The following PTPN1 variants were observed in gnomAD, a reference collection of about 807,000 sequenced individuals.
PTPN1 encodes the protein tyrosine-protein phosphatase non-receptor type 1.
A neutral mutation model predicts 59.9 loss-of-function variants in PTPN1; 12 were observed. The ratio of observed to expected loss-of-function variants is 0.20; its 90% CI spans 0.13 to 0.32. The LOEUF is 0.32. Among genes scored for constraint, PTPN1 ranks in the 10% least tolerant of loss-of-function variants. PTPN1 has a pLI of 1.00. For synonymous variants in PTPN1, 178 were observed against 203.6 expected (o/e 0.87, Z 1.07); for missense variants, 356 against 549.2 (o/e 0.65, Z 3.52).
At chr20:50,515,170 T>C (rs937478330) in intron 1 of PTPN1, among the ~76,000 whole-genome samples, 2 of 152,228 alleles carry the variant, frequency 1.3e-5, no homozygotes, top group Admixed American at 1.3e-4. Context: ...AACTCCTCTT[T>C]AGCATGGCAG....
intron 1 of PTPN1, among the ~76,000 whole-genome samples, chr20:50,550,820 C>T (rs1411850724): frequency 6.6e-6 from 1 of 152,222 alleles, no homozygotes; most frequent in Non-Finnish European, 1.5e-5. Context: ...CTTCACTTAG[C>T]AGATAGCTTT....
chr20:50,556,076 T>C (rs532326621), intron 1 of PTPN1, among the ~76,000 whole-genome samples: 2 of 152,198 alleles, frequency 1.3e-5, no homozygotes, highest in South Asian at 4.2e-4. Flanking sequence ...CCCTGAAAGC[T>C]TAATCTCATC....
chr20:50,527,877 C>T (rs776173723), intron 1 of PTPN1, among the ~76,000 whole-genome samples: 13 of 152,152 alleles, frequency 8.5e-5, no homozygotes, highest in Non-Finnish European at 1.9e-4. Flanking sequence ...TGTTCCTCAA[C>T]TTGAGGAGTT....
chr20:50,564,154 T>G (rs955470603), intron 2 of PTPN1, among the ~76,000 whole-genome samples: 12 of 152,122 alleles, frequency 7.9e-5, no homozygotes, highest in Admixed American at 6.5e-4. Flanking sequence ...TTCAAACCAC[T>G]GGATAGAGGT....
chr20:50,518,359 G>A (rs1318753256), intron 1 of PTPN1, among the ~76,000 whole-genome samples: 1 of 152,202 alleles, frequency 6.6e-6, no homozygotes, highest in Non-Finnish European at 1.5e-5. Flanking sequence ...TCACTCAAGA[G>A]AACAAATAAG....
intron 2 of PTPN1, among the ~76,000 whole-genome samples, chr20:50,564,332 C>A (rs1312361777): frequency 1.3e-5 from 2 of 152,210 alleles, no homozygotes; most frequent in Non-Finnish European, 2.9e-5. Context: ...GTGGCTCACA[C>A]TTGTAATCCC....
At position 50,561,382 on chromosome 20, in the gene PTPN1, G is replaced by T; in HGVS notation, c.83G>T (p.Ser28Ile). 1 of 1,612,422 alleles carries T rather than the reference G, an allele frequency of 6.2e-7. No individual in the cohort carries two copies. ...TTGTAGGATATCCGACATGAAGCCA[G>T]TGACTTCCCATGTAGAGTGGCCAAG... ...AIYQDIRHEA[S>I]DFPCRVAKLP... is the part of the protein sequence containing the mutation. The change falls in exon 2 of 10, where the codon AGT becomes ATT. Residue 28 changes from serine (S) to isoleucine (I), a missense_variant. Ser to Ile is a moderately radical substitution (Grantham distance 142). Coordinates refer to ENST00000371621, the MANE Select transcript of PTPN1 (RefSeq NM_002827.4).
intron 1 of PTPN1, among the ~76,000 whole-genome samples, chr20:50,554,439 G>GA (rs919995602): frequency 1.3e-4 from 19 of 146,814 alleles, no homozygotes; most frequent in African/African-American, 4.8e-4. Flanking sequence ...CTTATTTGGG[G>GA]AAAAAATAAA....
intron 1 of PTPN1, among the ~76,000 whole-genome samples, chr20:50,532,717 G>GGT (rs140157780): frequency 6.6e-4 from 101 of 151,888 alleles, no homozygotes; most frequent in South Asian, 3.7e-3. Context: ...TGGATGATGG[G>GGT]GTGTGTGTGT....
chr20:50,548,238 G>A (rs539093843), intron 1 of PTPN1, among the ~76,000 whole-genome samples: 2 of 151,964 alleles, frequency 1.3e-5, no homozygotes, highest in Admixed American at 1.3e-4. Flanking sequence ...TTAGTCTAGC[G>A]TTTATCCTAT....
chr20:50,523,350 G>A lies in PTPN1; in HGVS notation c.63+12760G>A, dbSNP rs748245229. Reference sequence around the variant, plus strand: ...ATATAGAACATTCGGAGAATGCTCCGAAGCTTCAGAGAACCCTTCCCAAAA... The same window carrying A: ...ATATAGAACATTCGGAGAATGCTCCAAAGCTTCAGAGAACCCTTCCCAAAA... On this transcript the variant is annotated intron_variant, in intron 1 of 9. Transcript: ENST00000371621. 1.1e-4 allele frequency among the ~76,000 whole-genome samples: 16 copies of A among 152,152 alleles called. 1 individual carries two copies. Among genetic ancestry groups the A allele is most frequent in the Admixed American group, 8.5e-4 (13 of 15,274 alleles).
At chr20:50,522,160 C>T (rs1436245557) in intron 1 of PTPN1, among the ~76,000 whole-genome samples, 1 of 152,172 alleles carries the variant, frequency 6.6e-6, no homozygotes, top group Non-Finnish European at 1.5e-5. Context: ...CCCGCCCTTC[C>T]TCTTTTCTCT....
At chr20:50,529,828 T>C (rs1350546703) in intron 1 of PTPN1, among the ~76,000 whole-genome samples, 1 of 152,150 alleles carries the variant, frequency 6.6e-6, no homozygotes, top group Non-Finnish European at 1.5e-5. Context: ...GAAAAAGGGA[T>C]TTTTAGTGTT....
intron 1 of PTPN1, among the ~76,000 whole-genome samples, chr20:50,520,815 C>T (rs1463908936): frequency 6.6e-6 from 1 of 152,218 alleles, no homozygotes; most frequent in African/African-American, 2.4e-5. Flanking sequence ...TGGGTTCTGA[C>T]TCTGCCTTTG....
rs1384042141 is a variant in PTPN1 at position 50,579,936 on chromosome 20, T to C, written c.1088+10T>C. On this transcript the variant is annotated intron_variant, in intron 8 of 9. Coordinates refer to ENST00000371621, the MANE Select transcript of PTPN1 (RefSeq NM_002827.4). ...CCTACGGCATCGAAAGGTAATATGATTGGGTCCCAGCTTGTTGGGGTGAGG... is the reference window on the plus strand; with the variant it reads ...CCTACGGCATCGAAAGGTAATATGACTGGGTCCCAGCTTGTTGGGGTGAGG... 6.2e-7 allele frequency: 1 copy of C among 1,610,746 alleles called. No homozygotes were observed.
intron 1 of PTPN1, among the ~76,000 whole-genome samples, chr20:50,529,485 T>G (rs2082591347): frequency 6.6e-6 from 1 of 152,250 alleles, no homozygotes; most frequent in African/African-American, 2.4e-5. Context: ...GTAATTTGTC[T>G]TTAAACTTTT....
intron 4 of PTPN1, chr20:50,571,529 G>A (rs2082808493): frequency 6.6e-6 from 1 of 152,224 alleles, no homozygotes; most frequent in African/African-American, 2.4e-5. Flanking sequence ...CACACAGCTT[G>A]TGGTAAAACC....
chr20:50,553,285 A>G lies in PTPN1; in HGVS notation c.64-8078A>G, dbSNP rs145358876. Among the ~76,000 whole-genome samples the G allele has an allele frequency of 8.0e-3, 1,218 of 152,336 alleles. 11 individuals carry two copies. The highest frequency in any genetic ancestry group is 0.041 in the Middle Eastern group (12 of 294). ...AGACTGGAAAGGGATGAGCGCTAGGATGAACTTTCTGCCTGGCGATCTTGC... is the reference window on the plus strand; with the variant it reads ...AGACTGGAAAGGGATGAGCGCTAGGGTGAACTTTCTGCCTGGCGATCTTGC... On this transcript the variant is annotated intron_variant, in intron 1 of 9. Transcript: ENST00000371621.
intron 1 of PTPN1, among the ~76,000 whole-genome samples, chr20:50,548,426 A>T (rs2082685654): frequency 6.7e-6 from 1 of 148,992 alleles, no homozygotes. Context: ...TGCTTATTTG[A>T]TTCTTTTTTT....
Sources: gnomAD v4.1 joint callset for allele counts (sites outside exome capture counted in the v4.1 genomes callset) on GRCh38, gnomAD v4.1.1 for gene constraint, MANE v1.5 for transcripts, NCBI Gene and HGNC (gene_info 2026-07-23, HGNC 2026-07-21) for gene names.